TRPM3: variants seen among roughly 807,000 people sequenced by gnomAD.
The protein encoded by TRPM3 is transient receptor potential cation channel subfamily M member 3.
In TRPM3, 77 loss-of-function variants were observed where a neutral mutation model predicts 181.2. The ratio of observed to expected loss-of-function variants is 0.42; its 90% confidence interval spans 0.35 to 0.51. The LOEUF is 0.51. TRPM3 is among the 20% of genes least tolerant of loss of function. The pLI is 0.01. For missense variants in TRPM3, 1,759 were observed against 2,196.7 expected (o/e 0.80, Z 3.98); for synonymous variants, 745 against 796.4 (o/e 0.94, Z 1.09).
At chr9:71,133,530 T>A (rs2026108) in intron 1 of TRPM3, among the ~76,000 whole-genome samples, 1 of 134,104 alleles carries the variant, frequency 7.5e-6, no homozygotes, top group Non-Finnish European at 1.6e-5. Flanking sequence ...AACTCCCAAC[T>A]TAGGTGATCC....
intron 1 of TRPM3, among the ~76,000 whole-genome samples, chr9:71,111,090 T>C (rs906040937): frequency 1.3e-5 from 2 of 152,140 alleles, no homozygotes; most frequent in Admixed American, 1.3e-4. Flanking sequence ...AAACAACATA[T>C]ATGGAACATT....
intron 1 of TRPM3, among the ~76,000 whole-genome samples, chr9:71,420,333 T>G (rs1044308786): frequency 2.0e-5 from 3 of 151,948 alleles, no homozygotes; most frequent in Non-Finnish European, 4.4e-5. Flanking sequence ...CATGACGGAT[T>G]TGTCTTATAT....
At chr9:71,176,526 G>C (rs1332198245) in intron 1 of TRPM3, among the ~76,000 whole-genome samples, 2 of 152,152 alleles carry the variant, frequency 1.3e-5, no homozygotes, top group East Asian at 1.9e-4. Context: ...CAATTTAAAA[G>C]TTTATAATGT....
At chr9:70,765,712 G>A (rs2078985280) in intron 7 of TRPM3, among the ~76,000 whole-genome samples, 1 of 152,124 alleles carries the variant, frequency 6.6e-6, no homozygotes, top group Admixed American at 6.5e-5. Context: ...CTTCTCTGAA[G>A]ATCCTTTCTT....
At chr9:71,347,289 C>T (rs2091353131) in intron 1 of TRPM3, among the ~76,000 whole-genome samples, 1 of 152,166 alleles carries the variant, frequency 6.6e-6, no homozygotes, top group African/African-American at 2.4e-5. Flanking sequence ...TCCTGTAACT[C>T]TCCTTAGAAC....
At chr9:71,059,035 T>TTTTTTTTTTTTTTTTTC (rs2061001588) in intron 1 of TRPM3, among the ~76,000 whole-genome samples, 1 of 143,692 alleles carries the variant, frequency 7.0e-6, no homozygotes, top group Non-Finnish European at 1.5e-5. Context: ...TTTTTTTTTT[T>TTTTTTTTTTTTTTTTTC]TTTTTTACCA....
At chr9:71,171,623 T>C (rs1248518249) in intron 1 of TRPM3, among the ~76,000 whole-genome samples, 2 of 151,978 alleles carry the variant, frequency 1.3e-5, no homozygotes, top group East Asian at 3.9e-4. Flanking sequence ...ATACCTACAA[T>C]GTGTTAAGGG....
At chr9:70,957,696 C>G (rs1451102437) in intron 1 of TRPM3, among the ~76,000 whole-genome samples, 6 of 152,180 alleles carry the variant, frequency 3.9e-5, no homozygotes, top group Non-Finnish European at 8.8e-5. Context: ...AACTCAGCAG[C>G]TGTGCTGCTT....
intron 1 of TRPM3, among the ~76,000 whole-genome samples, chr9:71,171,624 G>A (rs2076862866): frequency 6.6e-6 from 1 of 152,100 alleles, no homozygotes; most frequent in South Asian, 2.1e-4. Context: ...TACCTACAAT[G>A]TGTTAAGGGA....
intron 5 of TRPM3, among the ~76,000 whole-genome samples, chr9:70,841,720 A>T (rs977797160): frequency 5.3e-5 from 7 of 130,876 alleles, no homozygotes; most frequent in East Asian, 2.1e-4. Flanking sequence ...ATCTCCCACC[A>T]TATATATATA....
At chr9:71,010,912 GACACACACACACACACACATACAC>G (rs1304665528) in intron 1 of TRPM3, among the ~76,000 whole-genome samples, 4 of 139,352 alleles carry the variant, frequency 2.9e-5, no homozygotes, top group African/African-American at 1.1e-4. Context: ...TAAAGAAAAT[GACACACACACACACACACATACAC>G]ACACACACAC....
chr9:71,377,208 A>G (rs911511015), intron 1 of TRPM3, among the ~76,000 whole-genome samples: 5 of 152,102 alleles, frequency 3.3e-5, no homozygotes, highest in African/African-American at 9.6e-5. Flanking sequence ...TTCATTAACA[A>G]TTCCTATTGA....
At chr9:71,411,939 C>T (rs2093557702) in intron 1 of TRPM3, among the ~76,000 whole-genome samples, 1 of 152,014 alleles carries the variant, frequency 6.6e-6, no homozygotes, top group Non-Finnish European at 1.5e-5. Flanking sequence ...TCAGAAATAC[C>T]ACCACACATC....
At chr9:70,861,309 G>A (rs546471032) in intron 3 of TRPM3, among the ~76,000 whole-genome samples, 1 of 152,244 alleles carries the variant, frequency 6.6e-6, no homozygotes, top group Admixed American at 6.5e-5. Context: ...TTTGGACAAT[G>A]GCAGCATCAT....
intron 22 of TRPM3, among the ~76,000 whole-genome samples, chr9:70,584,049 C>T (rs1404959243): frequency 6.6e-6 from 1 of 151,706 alleles, no homozygotes; most frequent in African/African-American, 2.4e-5. Flanking sequence ...TTTCTTGTAC[C>T]TTTTTTTTGA....
At chr9:71,269,821 C>A (rs984809245) in intron 1 of TRPM3, among the ~76,000 whole-genome samples, 1 of 152,182 alleles carries the variant, frequency 6.6e-6, no homozygotes, top group African/African-American at 2.4e-5. Flanking sequence ...TTCATGATGG[C>A]AGAATAGGAG....
At chr9:71,240,677 A>T (rs2081610500) in intron 1 of TRPM3, among the ~76,000 whole-genome samples, 1 of 151,484 alleles carries the variant, frequency 6.6e-6, no homozygotes, top group South Asian at 2.1e-4. Context: ...TTGTAAAAAA[A>T]GTTATTTTAA....
At chr9:70,793,724 C>T (rs1486283357) in intron 6 of TRPM3, 3 of 453,256 alleles carry the variant, frequency 6.6e-6, no homozygotes, top group East Asian at 7.1e-5. Context: ...CAAGACAGTC[C>T]CTCACTTAGA....
At chr9:71,202,241 CG>C (rs1343932908) in intron 1 of TRPM3, among the ~76,000 whole-genome samples, 3 of 152,094 alleles carry the variant, frequency 2.0e-5, no homozygotes, top group Admixed American at 6.5e-5. Flanking sequence ...CTGCCCCTAC[CG>C]GGGGGTGCCT....
Sources: allele counts gnomAD v4.1 joint callset (sites outside exome capture counted in the v4.1 genomes callset), GRCh38; gene constraint gnomAD v4.1.1; transcripts MANE v1.5; gene names NCBI Gene and HGNC (gene_info 2026-07-23, HGNC 2026-07-21).